The following MED30 variants were observed in gnomAD, a reference collection of about 807,000 sequenced individuals.
MED30 encodes mediator of RNA polymerase II transcription subunit 30.
MED30 carries 8 observed loss-of-function variants against 21.7 expected under a neutral mutation model. The ratio of observed to expected loss-of-function variants is 0.37; its 90% CI spans 0.22 to 0.67. The LOEUF (loss-of-function observed/expected upper bound fraction) is 0.67, where lower values mean the gene tolerates loss of function less well. Among genes scored for constraint, MED30 ranks in the 30% least tolerant of loss-of-function variants. The pLI is 0.58. For synonymous variants in MED30, 79 were observed against 86.7 expected (o/e 0.91, Z 0.49); for missense variants, 203 against 228.2 (o/e 0.89, Z 0.71).
intron 3 of MED30, among the ~76,000 whole-genome samples, chr8:117,535,767 T>A (rs990986473): frequency 1.3e-5 from 2 of 152,156 alleles, no homozygotes; most frequent in African/African-American, 4.8e-5. Flanking sequence ...TTTGCTTTTT[T>A]TTTAGTTCAT....
intron 3 of MED30, among the ~76,000 whole-genome samples, chr8:117,532,019 A>G (rs934079702): frequency 1.3e-5 from 2 of 152,050 alleles, no homozygotes; most frequent in African/African-American, 2.4e-5. Context: ...ATAAGATTCT[A>G]TTGACTCTTG....
intron 1 of MED30, chr8:117,523,612 T>G (rs897384341): frequency 3.1e-6 from 5 of 1,600,778 alleles, no homozygotes; most frequent in South Asian, 1.1e-5. Context: ...CTTGAGAAAC[T>G]GCATGGCCTT....
chr8:117,537,648 TA>T (rs1563791786), intron 3 of MED30, among the ~76,000 whole-genome samples: 1 of 152,144 alleles, frequency 6.6e-6, no homozygotes, highest in African/African-American at 2.4e-5. Flanking sequence ...GAGGCTTAAA[TA>T]AAAAAGAGTA....
At chr8:117,537,497 C>G (rs1297639198) in intron 3 of MED30, among the ~76,000 whole-genome samples, 1 of 152,010 alleles carries the variant, frequency 6.6e-6, no homozygotes, top group Non-Finnish European at 1.5e-5. Context: ...TAATTTAAAA[C>G]TTTGTGGCAT....
intron 2 of MED30, among the ~76,000 whole-genome samples, chr8:117,529,847 A>G (rs1463044190): frequency 6.6e-6 from 1 of 152,000 alleles, no homozygotes; most frequent in African/African-American, 2.4e-5. Context: ...ATCAGGGCAC[A>G]GGAATGGAGA....
chr8:117,533,695 T>C lies in MED30; in HGVS notation c.441+2868T>C, dbSNP rs188882111. On this transcript the variant is annotated intron_variant, in intron 3 of 3. Transcript: ENST00000297347. ...ACATCTCAGTACTATTTTCCAATTTTCCACAGTCAGAATCATCAGACAGTT... is the reference window on the plus strand; with the variant it reads ...ACATCTCAGTACTATTTTCCAATTTCCCACAGTCAGAATCATCAGACAGTT... 3.3e-5 allele frequency among the ~76,000 whole-genome samples: 5 copies of C among 152,332 alleles called. No homozygotes were observed. The East Asian group carries it at 9.6e-4, about 29-fold the overall frequency.
At position 117,539,932 on chromosome 8, in the gene MED30, G is replaced by A. The variant is rs771505044; in HGVS notation, c.491G>A (p.Arg164Gln). The change falls in exon 4 of 4, where the codon CGA (arginine) becomes CAA (glutamine). Residue 164 changes from arginine (R) to glutamine (Q), a missense_variant. By Grantham distance (43) the Arg-to-Gln change is conservative (BLOSUM62 1). Transcript: ENST00000297347. ...QQLKQIMDQLRNLIWDINAML... is the reference protein window; with the variant it reads ...QQLKQIMDQLQNLIWDINAML... Reference sequence around the variant, plus strand: ...CTGAAACAAATTATGGATCAATTACGAAATCTCATCTGGGATATAAATGCC... The same window carrying A: ...CTGAAACAAATTATGGATCAATTACAAAATCTCATCTGGGATATAAATGCC... 57 of 1,608,992 alleles carry A rather than the reference G, an allele frequency of 3.5e-5. No homozygotes were observed. In the East Asian group the frequency reaches 3.6e-4, roughly 10 times the overall value.
chr8:117,539,739 AG>A, intron 3 of MED30, 143 bp from the exon 4 acceptor site: 1 of 547,810 alleles, frequency 1.8e-6, no homozygotes, highest in Non-Finnish European at 3.2e-6. Context: ...AGGCCAGAAG[AG>A]GGTTGAGACC....
chr8:117,530,131 A>T (rs1818773827), intron 2 of MED30, among the ~76,000 whole-genome samples: 1 of 151,998 alleles, frequency 6.6e-6, no homozygotes, highest in Admixed American at 6.6e-5. Flanking sequence ...TAGAAGTTTC[A>T]TTGCTATATA....
At chr8:117,521,131 C>T in intron 1 of MED30, 78 bp downstream of exon 1, 2 of 1,398,180 alleles carry the variant, frequency 1.4e-6, no homozygotes, top group Non-Finnish European at 1.9e-6. Context: ...TACGTGGGGC[C>T]CGTGGATGTC....
rs775316101 is a variant in MED30 at position 117,520,850 on chromosome 8, C to T, written c.-27C>T. On this transcript the variant is annotated 5_prime_UTR_variant, in exon 1 of 4. Coordinates refer to ENST00000297347, the MANE Select transcript of MED30 (RefSeq NM_080651.4). ...ACCCCTGACACCTGCTGTCTGGCCC[C>T]TTCCGGCCTGAAGCTGCAGCCGCGC... The T allele has an allele frequency of 3.9e-6, 6 of 1,553,290 alleles. No individual in the cohort carries two copies. In the South Asian group the frequency reaches 4.7e-5, roughly 12 times the overall value.
At chr8:117,528,452 G>C (rs1818750478) in intron 1 of MED30, among the ~76,000 whole-genome samples, 199 bp from the exon 2 acceptor site, 1 of 151,918 alleles carries the variant, frequency 6.6e-6, no homozygotes, top group Non-Finnish European at 1.5e-5. Flanking sequence ...TTTTATAGCA[G>C]TGAAACAGGT....
intron 1 of MED30, chr8:117,523,655 C>T: frequency 6.3e-7 from 1 of 1,596,052 alleles, no homozygotes; most frequent in Admixed American, 1.7e-5. Flanking sequence ...TTCTTGTCTG[C>T]CAGCTCCGGG....
intron 2 of MED30, 55 bp downstream of exon 2, chr8:117,528,864 C>T (rs1818758663): frequency 1.5e-6 from 2 of 1,328,470 alleles, no homozygotes; most frequent in Non-Finnish European, 2.0e-6. Flanking sequence ...AGTGTCAAGA[C>T]AGTTGTTAAT....
rs977911074 is a variant in MED30, at chr8:117,530,624, A to T, written c.337-99A>T. On this transcript the variant is annotated intron_variant, in intron 2 of 3. Coordinates refer to ENST00000297347, the MANE Select transcript of MED30 (RefSeq NM_080651.4). ...ATTGAAATTATTTTTATACAAATAAAAGTATAAAAATTGACCTTAATCTGA... is the reference window on the plus strand; with the variant it reads ...ATTGAAATTATTTTTATACAAATAATAGTATAAAAATTGACCTTAATCTGA... 3.3e-5 allele frequency: 24 copies of T among 731,442 alleles called. 1 individual carries two copies. The highest frequency in any genetic ancestry group is 3.0e-4 in the South Asian group (14 of 46,728). 45.3% of individuals were successfully genotyped at this position (731,442 alleles called of 1,614,324 possible). A position where few individuals can be genotyped will look rare whatever the true frequency, so the allele number is the denominator to read the frequency against.
chr8:117,533,808 G>T (rs1235447460), intron 3 of MED30, among the ~76,000 whole-genome samples: 2 of 152,104 alleles, frequency 1.3e-5, no homozygotes, highest in Non-Finnish European at 2.9e-5. Context: ...CAGCTCTGGG[G>T]CTTTCCTTCA....
At chr8:117,534,532 T>G (rs772766268) in intron 3 of MED30, among the ~76,000 whole-genome samples, 3 of 150,070 alleles carry the variant, frequency 2.0e-5, no homozygotes, top group Non-Finnish European at 4.5e-5. Flanking sequence ...ACTGATGGGT[T>G]ATTACAAAGA....
chr8:117,530,048 G>A (rs146045375), intron 2 of MED30, among the ~76,000 whole-genome samples: 2 of 152,108 alleles, frequency 1.3e-5, no homozygotes, highest in East Asian at 1.9e-4. Context: ...TAAAGGCTAG[G>A]TGATTCCTGA....
intron 2 of MED30, chr8:117,530,307 A>G (rs1337154107): frequency 6.6e-6 from 1 of 152,224 alleles, no homozygotes; most frequent in African/African-American, 2.4e-5. Flanking sequence ...AGCCTGTTTT[A>G]TCTATCTCAA....
Sources: gnomAD v4.1 joint callset for allele counts (sites outside exome capture counted in the v4.1 genomes callset) on GRCh38, gnomAD v4.1.1 for gene constraint, MANE v1.5 for transcripts, NCBI Gene and HGNC (gene_info 2026-07-23, HGNC 2026-07-21) for gene names.